Variants in PDZRN4 observed in about 807,000 individuals in gnomAD.
PDZRN4 encodes PDZ domain containing ring finger 4, also known as PDZ domain-containing RING finger protein 4.
Under a neutral mutation model 99.0 loss-of-function variants are expected in PDZRN4, and 70 were observed. The ratio of observed to expected loss-of-function variants is 0.71; its 90% confidence interval spans 0.58 to 0.86. PDZRN4 has a LOEUF of 0.86. Among genes scored for constraint, PDZRN4 ranks in the 40% least tolerant of loss-of-function variants. The pLI is 0.00. For missense variants in PDZRN4, 1,474 were observed against 1,331.2 expected (o/e 1.11, Z -1.67); for synonymous variants, 551 against 501.6 (o/e 1.10, Z -1.32).
chr12:41,294,783 G>A (rs1304550263), intron 3 of PDZRN4, among the ~76,000 whole-genome samples: 2 of 151,982 alleles, frequency 1.3e-5, no homozygotes, highest in Admixed American at 6.6e-5. Flanking sequence ...TGGAAGATAA[G>A]GTTTAAGAGA....
At chr12:41,189,248 C>A in intron 1 of PDZRN4, 145 bp downstream of exon 1, 1 of 713,626 alleles carries the variant, frequency 1.4e-6, no homozygotes, top group Non-Finnish European at 2.3e-6. Flanking sequence ...ATCATACTTT[C>A]CTGTCATTAT....
intron 2 of PDZRN4, 32 bp from the exon 3 acceptor site, chr12:41,194,049 T>G: frequency 2.0e-6 from 2 of 1,014,848 alleles, no homozygotes; most frequent in Non-Finnish European, 3.1e-6. Flanking sequence ...TTTGCTTACA[T>G]CTTTCTTCTG....
At chr12:41,564,758 T>C (rs1939335459) in intron 8 of PDZRN4, among the ~76,000 whole-genome samples, 1 of 152,090 alleles carries the variant, frequency 6.6e-6, no homozygotes. Context: ...ACTGCCTATG[T>C]GGGAGTGAAT....
chr12:41,290,145 C>G (rs140836778), intron 3 of PDZRN4, among the ~76,000 whole-genome samples: 1 of 152,310 alleles, frequency 6.6e-6, no homozygotes, highest in African/African-American at 2.4e-5. Context: ...ACAGAATCCT[C>G]TTAGCATCCC....
intron 3 of PDZRN4, among the ~76,000 whole-genome samples, chr12:41,394,759 T>C (rs4262778): frequency 0.44 from 66,689 of 151,124 alleles, 14,644 homozygotes; most frequent in South Asian, 0.5. Context: ...ACATGGAAGC[T>C]GGCTTCTCTT....
chr12:41,276,575 T>C (rs186899584), intron 3 of PDZRN4, among the ~76,000 whole-genome samples: 2 of 152,066 alleles, frequency 1.3e-5, no homozygotes, highest in African/African-American at 2.4e-5. Context: ...TTCTGCTAAG[T>C]GTTTCCCATT....
At chr12:41,442,186 ACT>A (rs1952685342) in intron 3 of PDZRN4, among the ~76,000 whole-genome samples, 1 of 151,374 alleles carries the variant, frequency 6.6e-6, no homozygotes, top group African/African-American at 2.4e-5. Context: ...ATTGCTCCAG[ACT>A]CTATTTTTTG....
chr12:41,303,569 C>G (rs1440189046), intron 3 of PDZRN4, among the ~76,000 whole-genome samples: 1 of 152,184 alleles, frequency 6.6e-6, no homozygotes, highest in Non-Finnish European at 1.5e-5. Flanking sequence ...AAGACTTCAT[C>G]TAGCTAAGCA....
chr12:41,573,457 T>C lies in PDZRN4; in HGVS notation c.2678T>C (p.Ile893Thr), dbSNP rs999905931. Residue 893 changes from isoleucine to threonine, a missense_variant, in exon 10 of 10, where the codon ATT becomes ACT. By Grantham distance (89) the Ile-to-Thr change is moderately conservative. Transcript: ENST00000402685. ...CCCAAGATGGAATGGAAGGTGAAAATTAGGAGCGACGGGACACGGTACATC... is the reference window on the plus strand; with the variant it reads ...CCCAAGATGGAATGGAAGGTGAAAACTAGGAGCGACGGGACACGGTACATC... ...SEPKMEWKVKIRSDGTRYITK... is the reference protein window; with the variant it reads ...SEPKMEWKVKTRSDGTRYITK... 5.0e-6 allele frequency: 8 copies of C among 1,613,386 alleles called. No individual in the cohort carries two copies. In the Admixed American group the frequency reaches 5.0e-5, roughly 10 times the overall value.
chr12:41,515,984 AC>A (rs1938393950), intron 5 of PDZRN4, among the ~76,000 whole-genome samples: 2 of 151,956 alleles, frequency 1.3e-5, no homozygotes, highest in Non-Finnish European at 2.9e-5. Flanking sequence ...CCACAGCACA[AC>A]AATACTCAGA....
intron 3 of PDZRN4, among the ~76,000 whole-genome samples, chr12:41,390,470 G>A (rs1169327765): frequency 7.1e-6 from 1 of 141,458 alleles, no homozygotes; most frequent in Non-Finnish European, 1.5e-5. Context: ...GAACAAACTA[G>A]AGGGTATTTT....
intron 3 of PDZRN4, among the ~76,000 whole-genome samples, chr12:41,290,882 C>G (rs930371487): frequency 6.6e-6 from 1 of 151,982 alleles, no homozygotes; most frequent in African/African-American, 2.4e-5. Flanking sequence ...TTTTCTATGT[C>G]TAAGTAATTT....
intron 3 of PDZRN4, among the ~76,000 whole-genome samples, chr12:41,216,563 T>C (rs1475040465): frequency 2.0e-5 from 3 of 152,056 alleles, no homozygotes; most frequent in African/African-American, 7.2e-5. Context: ...TAACTATTTT[T>C]ATTTATAAAA....
At chr12:41,336,036 T>C (rs1040352766) in intron 3 of PDZRN4, among the ~76,000 whole-genome samples, 1 of 152,118 alleles carries the variant, frequency 6.6e-6, no homozygotes, top group East Asian at 1.9e-4. Context: ...TCTAGGTTTA[T>C]GTATGTATAT....
chr12:41,304,064 C>G (rs1378499098), intron 3 of PDZRN4, among the ~76,000 whole-genome samples: 1 of 152,070 alleles, frequency 6.6e-6, no homozygotes, highest in Non-Finnish European at 1.5e-5. Context: ...AAATCCTTCA[C>G]AAAACATGAA....
intron 3 of PDZRN4, among the ~76,000 whole-genome samples, chr12:41,415,224 C>G (rs565678022): frequency 1.3e-5 from 2 of 151,708 alleles, no homozygotes; most frequent in South Asian, 2.1e-4. Flanking sequence ...AGAGATGACA[C>G]TAATTGCAGC....
chr12:41,534,716 C>T (rs1321404940), intron 5 of PDZRN4, among the ~76,000 whole-genome samples: 1 of 151,990 alleles, frequency 6.6e-6, no homozygotes, highest in African/African-American at 2.4e-5. Flanking sequence ...GATCTTTTCC[C>T]TAGGTATAGA....
chr12:41,536,529 C>T (rs1185481609), intron 5 of PDZRN4, among the ~76,000 whole-genome samples: 1 of 151,988 alleles, frequency 6.6e-6, no homozygotes, highest in African/African-American at 2.4e-5. Context: ...TTGTCCAAAC[C>T]CACAGAATGT....
At chr12:41,332,683 T>G (rs548822147) in intron 3 of PDZRN4, among the ~76,000 whole-genome samples, 2 of 143,188 alleles carry the variant, frequency 1.4e-5, no homozygotes, top group South Asian at 4.4e-4. Flanking sequence ...AAGAACTGAG[T>G]ACAAACTACT....
Sources: gnomAD v4.1 joint callset for allele counts (sites outside exome capture counted in the v4.1 genomes callset) on GRCh38, gnomAD v4.1.1 for gene constraint, MANE v1.5 for transcripts, NCBI Gene and HGNC (gene_info 2026-07-23, HGNC 2026-07-21) for gene names.